Variants in N4BP2L2 observed in about 807,000 individuals in gnomAD.
The protein encoded by N4BP2L2 is NEDD4 binding protein 2 like 2.
N4BP2L2 carries 50 observed loss-of-function variants against 56.2 expected under a neutral mutation model. The observed-to-expected ratio is 0.89, with a 90% CI of 0.71 to 1.13. The LOEUF is 1.13. Among genes scored for constraint, N4BP2L2 ranks in the 50% most tolerant of loss-of-function variants. The probability of loss-of-function intolerance (pLI) is 0.00; values close to 1 mark genes in which losing one functional copy is unlikely to be tolerated. For synonymous variants in N4BP2L2, 203 were observed against 223.6 expected, an observed-to-expected ratio of 0.91 and a Z score of 0.82; for missense variants, 689 against 693.8, an observed-to-expected ratio of 0.99 and a Z score of 0.08.
At chr13:32,531,631 T>C (rs2054825491) in intron 2 of N4BP2L2, among the ~76,000 whole-genome samples, 1 of 152,138 alleles carries the variant, frequency 6.6e-6, no homozygotes, top group Admixed American at 6.5e-5. Flanking sequence ...GGGACCTATA[T>C]GAAGAAAGAC....
exon 6 of N4BP2L2, chr13:32,514,488 G>A (rs2048770117): frequency 6.6e-6 from 1 of 152,214 alleles, no homozygotes; most frequent in Non-Finnish European, 1.5e-5. Context: ...TGATGGAGAT[G>A]GTTAGAATAG....
rs755799100 is a variant in N4BP2L2, at chr13:32,536,765, C to A, written c.263G>T (p.Gly88Val). The A allele has an allele frequency of 2.5e-6, 4 of 1,614,110 alleles. No homozygotes were observed. The South Asian group carries it at 4.4e-5, about 18-fold the overall frequency. The change falls in exon 2 of 6, where the codon GGT (glycine) becomes GTT (valine). Residue 88 changes from glycine (G) to valine (V), a missense_variant. Coordinates refer to ENST00000267068, the Ensembl canonical transcript of N4BP2L2. ...GGATTCAATAACATCTGGTCTATTACCAGGCATCTCATCATGCAAAGGTCT... is the reference window on the plus strand; with the variant it reads ...GGATTCAATAACATCTGGTCTATTAACAGGCATCTCATCATGCAAAGGTCT...
At chr13:32,523,821 G>A (rs1184688971) in intron 3 of N4BP2L2, 1 of 152,214 alleles carries the variant, frequency 6.6e-6, no homozygotes, top group Admixed American at 6.5e-5. Context: ...GAAAGGGTGG[G>A]AAGGGAGTGA....
chr13:32,456,994 C>G (rs2079084822), intron 6 of N4BP2L2, among the ~76,000 whole-genome samples: 1 of 152,112 alleles, frequency 6.6e-6, no homozygotes, highest in South Asian at 2.1e-4. Context: ...AAAAACTTAG[C>G]CCAACATGGT....
chr13:32,535,847 T>G, exon 2 of N4BP2L2: 1 of 1,614,172 alleles, frequency 6.2e-7, no homozygotes, highest in Non-Finnish European at 8.5e-7. Flanking sequence ...TAACTTTTCC[T>G]CTTGAAACTG....
intron 2 of N4BP2L2, among the ~76,000 whole-genome samples, chr13:32,527,915 G>A (rs2053547970): frequency 6.6e-6 from 1 of 151,842 alleles, no homozygotes; most frequent in Non-Finnish European, 1.5e-5. Flanking sequence ...GGGATTACAA[G>A]CATGTGCCAC....
chr13:32,535,680 A>G, intron 2 of N4BP2L2, 89 bp downstream of exon 2: 1 of 1,404,368 alleles, frequency 7.1e-7, no homozygotes, highest in Non-Finnish European at 9.6e-7. Flanking sequence ...TTGGGATTAC[A>G]TGCATGAGTC....
At chr13:32,436,284 G>T in intron 9 of N4BP2L2, 1 of 665,518 alleles carries the variant, frequency 1.5e-6, no homozygotes, top group Non-Finnish European at 2.5e-6. Flanking sequence ...TAATACATAT[G>T]AGCTATTACA....
At chr13:32,452,356 C>T (rs1244175036) in intron 6 of N4BP2L2, among the ~76,000 whole-genome samples, 1 of 152,006 alleles carries the variant, frequency 6.6e-6, no homozygotes, top group South Asian at 2.1e-4. Context: ...CCACTGCGCC[C>T]AGCCAGCACC....
intron 6 of N4BP2L2, among the ~76,000 whole-genome samples, chr13:32,471,716 TGAGAGAGCTGCTGC>T (rs1446046980): frequency 5.3e-5 from 8 of 152,190 alleles, no homozygotes; most frequent in African/African-American, 9.7e-5. Flanking sequence ...AAAAGCAGTG[TGAGAGAGCTGCTGC>T]GAGAGAGCTG....
chr13:32,483,707 G>GT (rs1181045215), intron 6 of N4BP2L2, among the ~76,000 whole-genome samples: 3 of 152,112 alleles, frequency 2.0e-5, no homozygotes, highest in African/African-American at 7.2e-5. Context: ...TTATGCTACA[G>GT]TTTTTTGTTT....
intron 6 of N4BP2L2, among the ~76,000 whole-genome samples, chr13:32,479,752 C>A (rs1450055009): frequency 6.6e-6 from 1 of 151,802 alleles, no homozygotes; most frequent in Non-Finnish European, 1.5e-5. Flanking sequence ...AAAAAGACAT[C>A]TGCAGAAAAT....
chr13:32,465,323 G>A (rs1433282745), intron 6 of N4BP2L2, among the ~76,000 whole-genome samples: 1 of 152,102 alleles, frequency 6.6e-6, no homozygotes, highest in Non-Finnish European at 1.5e-5. Context: ...CACAATCACT[G>A]TGGAAAACAT....
At chr13:32,444,604 A>G (rs1209218819) in intron 6 of N4BP2L2, among the ~76,000 whole-genome samples, 1 of 152,236 alleles carries the variant, frequency 6.6e-6, no homozygotes, top group Non-Finnish European at 1.5e-5. Context: ...TTAAAAAGAG[A>G]TATTTTAATC....
intron 3 of N4BP2L2, chr13:32,527,132 T>C (rs922874563): frequency 1.2e-5 from 3 of 254,388 alleles, no homozygotes; most frequent in Admixed American, 5.2e-5. Flanking sequence ...TCTTAAAATA[T>C]CCCATGCTGC....
At chr13:32,443,515 T>C in exon 7 of N4BP2L2, 2 of 1,611,556 alleles carry the variant, frequency 1.2e-6, no homozygotes, top group East Asian at 2.2e-5. Context: ...TCTGATTCCA[T>C]GTTGATGGCA....
At chr13:32,499,977 ACT>A (rs2089642131) in intron 6 of N4BP2L2, among the ~76,000 whole-genome samples, 1 of 151,904 alleles carries the variant, frequency 6.6e-6, no homozygotes, top group Non-Finnish European at 1.5e-5. Context: ...TTGGCTACTG[ACT>A]CTACCAGTTT....
intron 7 of N4BP2L2, among the ~76,000 whole-genome samples, chr13:32,442,048 C>T (rs2076474789): frequency 6.6e-6 from 1 of 152,186 alleles, no homozygotes; most frequent in Non-Finnish European, 1.5e-5. Context: ...TGCGCTACAG[C>T]CTGGGAGACA....
chr13:32,438,883 G>T, intron 7 of N4BP2L2: 1 of 607,136 alleles, frequency 1.6e-6, no homozygotes, highest in Non-Finnish European at 2.9e-6. Flanking sequence ...TAAAGCTGGA[G>T]TTTGTCTCAG....
Sources: gnomAD v4.1 joint callset for allele counts (sites outside exome capture counted in the v4.1 genomes callset) on GRCh38, gnomAD v4.1.1 for gene constraint, MANE v1.5 for transcripts, NCBI Gene and HGNC (gene_info 2026-07-23, HGNC 2026-07-21) for gene names.